NT5C3A: variants seen among roughly 807,000 people sequenced by gnomAD.
NT5C3A encodes the protein cytosolic 5'-nucleotidase 3A.
Under a neutral mutation model 40.0 loss-of-function variants are expected in NT5C3A, and 23 were observed. The ratio of observed to expected loss-of-function variants is 0.58; its 90% CI spans 0.41 to 0.81. NT5C3A has a LOEUF of 0.81. Ranked by LOEUF, NT5C3A falls within the 40% of genes least tolerant of loss-of-function variation. The probability of loss-of-function intolerance (pLI) is 0.00; values close to 1 mark genes in which losing one functional copy is unlikely to be tolerated. For synonymous variants in NT5C3A, 130 were observed against 141.4 expected, an observed-to-expected ratio of 0.92 and a Z score of 0.57; for missense variants, 328 against 403.0, an observed-to-expected ratio of 0.81 and a Z score of 1.59.
intron 1 of NT5C3A, among the ~76,000 whole-genome samples, chr7:33,043,727 T>C (rs1356939714): frequency 3.3e-5 from 5 of 152,146 alleles, no homozygotes; most frequent in Non-Finnish European, 5.9e-5. Context: ...TTCCTGTCCA[T>C]AAGGAACTTC....
At chr7:33,026,430 T>C (rs1236074822) in intron 2 of NT5C3A, among the ~76,000 whole-genome samples, 8 of 150,340 alleles carry the variant, frequency 5.3e-5, no homozygotes, top group South Asian at 2.1e-4. Context: ...TCTCAACTCA[T>C]TGCAAACTCC....
chr7:33,030,070 T>C (rs575772729), intron 1 of NT5C3A, among the ~76,000 whole-genome samples: 3 of 152,302 alleles, frequency 2.0e-5, no homozygotes, highest in East Asian at 3.9e-4. Flanking sequence ...TTATATAGTA[T>C]ACTATACTCC....
At position 33,062,742 on chromosome 7, in the gene NT5C3A, A is replaced by G. The variant is rs72555705; in HGVS notation, c.-37T>C. ...TCATGCGCGTCCAAGCAGGAAAAAAACAGGCAGCTCGCGTAGACTGCGAGT... is the reference window on the plus strand; with the variant it reads ...TCATGCGCGTCCAAGCAGGAAAAAAGCAGGCAGCTCGCGTAGACTGCGAGT... On this transcript the variant is annotated 5_prime_UTR_variant, in exon 1 of 9. Coordinates refer to ENST00000610140, the MANE Select transcript of NT5C3A (RefSeq NM_001002010.5). 2.1e-4 allele frequency: 321 copies of G among 1,550,528 alleles called. 2 individuals carry two copies. The Admixed American group carries it at 3.9e-3, about 19-fold the overall frequency.
chr7:33,048,587 A>G (rs1011220228), intron 1 of NT5C3A, among the ~76,000 whole-genome samples: 1 of 152,210 alleles, frequency 6.6e-6, no homozygotes, highest in African/African-American at 2.4e-5. Flanking sequence ...TTTATTATCT[A>G]TAGTAACTTA....
At chr7:33,048,708 T>A (rs988758721) in intron 1 of NT5C3A, among the ~76,000 whole-genome samples, 6 of 152,214 alleles carry the variant, frequency 3.9e-5, no homozygotes, top group Non-Finnish European at 8.8e-5. Context: ...CCAATGATTA[T>A]GGCAGGCATT....
intron 1 of NT5C3A, chr7:33,038,806 G>C: frequency 2.2e-6 from 1 of 456,008 alleles, no homozygotes; most frequent in Non-Finnish European, 4.4e-6. Flanking sequence ...GGTATATAAA[G>C]TTCTGGCTTA....
chr7:33,035,232 C>T (rs1197251652), intron 1 of NT5C3A, among the ~76,000 whole-genome samples: 2 of 121,392 alleles, frequency 1.6e-5, no homozygotes, highest in Non-Finnish European at 3.2e-5. Flanking sequence ...CTCGCTCTGT[C>T]GCCCAGGCTG....
In NT5C3A at chr7:33,062,611, GTGAA is replaced by G. The variant is rs1244814248; in HGVS notation, c.91_94del (p.Phe31ProfsTer2). On this transcript the variant is annotated frameshift_variant, in exon 1 of 9. Transcript: ENST00000610140. LOFTEE classifies it high-confidence loss of function. ...CTTCCGCCCCGTCTTCCTCTTCAAGGTGAATATGTACTGAGCCAGCACCACCCCC... is the reference window on the plus strand; with the variant it reads ...CTTCCGCCCCGTCTTCCTCTTCAAGGTATGTACTGAGCCAGCACCACCCCC... 10 of 1,609,464 alleles carry G rather than the reference GTGAA, an allele frequency of 6.2e-6. No individual in the cohort carries two copies. Among genetic ancestry groups the G allele is most frequent in the Non-Finnish European group, 8.5e-6 (10 of 1,178,728 alleles).
At chr7:33,030,095 CAATT>C (rs1786163746) in intron 1 of NT5C3A, among the ~76,000 whole-genome samples, 1 of 152,170 alleles carries the variant, frequency 6.6e-6, no homozygotes, top group South Asian at 2.1e-4. Context: ...CTGCAATACA[CAATT>C]AATGTCACTG....
chr7:33,049,217 C>T lies in NT5C3A; in HGVS notation c.138+13351G>A, dbSNP rs532390894. Among the ~76,000 whole-genome samples the T allele has an allele frequency of 1.1e-4, 16 of 152,234 alleles. No homozygotes were observed. In the East Asian group the frequency reaches 3.1e-3, roughly 29 times the overall value. On this transcript the variant is annotated intron_variant, in intron 1 of 8. Transcript: ENST00000610140. ...TTATTATTATTAGGCCTTATAGCAA[C>T]ATTGCCTGACAAAGTCAAAATACAT...
intron 1 of NT5C3A, among the ~76,000 whole-genome samples, chr7:33,057,611 G>GT (rs1170991381): frequency 6.6e-6 from 1 of 152,182 alleles, no homozygotes; most frequent in Non-Finnish European, 1.5e-5. Context: ...AGCTACTTAA[G>GT]TAATAGTTGA....
At chr7:33,027,143 C>T (rs1785987930) in intron 1 of NT5C3A, 1 of 433,820 alleles carries the variant, frequency 2.3e-6, no homozygotes, top group East Asian at 4.9e-5. Flanking sequence ...AATCCTAGCT[C>T]ACCGTAGCCT....
Position 33,031,012 on chromosome 7 carries a change from T to C in NT5C3A, c.139-4097A>G, listed in dbSNP as rs1786220654. On this transcript the variant is annotated intron_variant, in intron 1 of 8. Coordinates refer to ENST00000610140, the MANE Select transcript of NT5C3A (RefSeq NM_001002010.5). ...TACTCTGGAGGCTGAGGCAGGAGAA[T>C]GGCATGAACCCCGGGGGGCGGAGCC... Among the ~76,000 whole-genome samples the C allele has an allele frequency of 2.0e-5, 3 of 148,602 alleles. No homozygotes were observed. In the South Asian group the frequency reaches 6.3e-4, roughly 31 times the overall value.
At chr7:33,049,162 T>C (rs925727027) in intron 1 of NT5C3A, among the ~76,000 whole-genome samples, 1 of 152,050 alleles carries the variant, frequency 6.6e-6, no homozygotes, top group African/African-American at 2.4e-5. Context: ...TGAAATAAAA[T>C]ACAAACACTA....
intron 1 of NT5C3A, among the ~76,000 whole-genome samples, chr7:33,054,431 C>T (rs1387402038): frequency 1.3e-5 from 2 of 151,958 alleles, no homozygotes; most frequent in Non-Finnish European, 2.9e-5. Flanking sequence ...CTTCAAACAT[C>T]ACCACAGCCA....
At chr7:33,050,628 C>T (rs1260415724) in intron 1 of NT5C3A, among the ~76,000 whole-genome samples, 1 of 152,154 alleles carries the variant, frequency 6.6e-6, no homozygotes, top group African/African-American at 2.4e-5. Flanking sequence ...CTCTCTACTT[C>T]CACCTAATTA....
At chr7:33,055,625 C>T (rs1490440588) in intron 1 of NT5C3A, among the ~76,000 whole-genome samples, 1 of 152,284 alleles carries the variant, frequency 6.6e-6, no homozygotes, top group Middle Eastern at 3.4e-3. Context: ...ATGACTGGAA[C>T]GACCATCTCA....
At chr7:33,060,749 G>A (rs1787745099) in intron 1 of NT5C3A, among the ~76,000 whole-genome samples, 1 of 152,126 alleles carries the variant, frequency 6.6e-6, no homozygotes, top group African/African-American at 2.4e-5. Context: ...AGGATGGGCA[G>A]AGCAGACCTA....
intron 1 of NT5C3A, among the ~76,000 whole-genome samples, chr7:33,049,454 T>C (rs1362751951): frequency 6.6e-6 from 1 of 152,164 alleles, no homozygotes; most frequent in Non-Finnish European, 1.5e-5. Flanking sequence ...TTGTCTTCTG[T>C]TCAAGCCATA....
Sources: gnomAD v4.1 joint callset for allele counts (sites outside exome capture counted in the v4.1 genomes callset) on GRCh38, gnomAD v4.1.1 for gene constraint, MANE v1.5 for transcripts, NCBI Gene and HGNC (gene_info 2026-07-23, HGNC 2026-07-21) for gene names.